Variants in ALK observed in about 807,000 individuals in gnomAD.
ALK encodes ALK receptor tyrosine kinase.
In ALK, 74 loss-of-function variants were observed where a neutral mutation model predicts 163.1. The observed-to-expected ratio is 0.45, with a 90% confidence interval of 0.38 to 0.55. ALK has a LOEUF of 0.55. Among genes scored for constraint, ALK ranks in the 20% least tolerant of loss-of-function variants. The pLI, the probability that ALK is intolerant of heterozygous loss-of-function variation, is 0.00. For missense variants in ALK, 2,063 were observed against 2,105.3 expected (o/e 0.98, Z 0.39); for synonymous variants, 960 against 843.2 (o/e 1.14, Z -2.40).
At chr2:29,886,438 T>C (rs966312087) in intron 1 of ALK, among the ~76,000 whole-genome samples, 1 of 152,252 alleles carries the variant, frequency 6.6e-6, no homozygotes, top group Non-Finnish European at 1.5e-5. Context: ...CCTGGCCCTA[T>C]ACCTATCTAT....
intron 1 of ALK, among the ~76,000 whole-genome samples, chr2:29,885,292 G>T (rs1666958223): frequency 6.6e-6 from 1 of 152,058 alleles, no homozygotes; most frequent in African/African-American, 2.4e-5. Context: ...CTAGATCAGG[G>T]GGTCACAAGG....
At chr2:29,196,966 G>C (rs955310322) in intron 27 of ALK, 106 bp from the exon 28 acceptor site, 1 of 895,670 alleles carries the variant, frequency 1.1e-6, no homozygotes, top group Non-Finnish European at 1.8e-6. Context: ...GTGCGAACTC[G>C]TCTAGGCCCC....
intron 3 of ALK, among the ~76,000 whole-genome samples, chr2:29,666,576 A>T (rs1677520104): frequency 6.6e-6 from 1 of 152,070 alleles, no homozygotes; most frequent in South Asian, 2.1e-4. Context: ...TGACCTTATG[A>T]TCCAGAAGAA....
At chr2:29,616,806 T>C (rs558738733) in intron 3 of ALK, among the ~76,000 whole-genome samples, 2 of 152,292 alleles carry the variant, frequency 1.3e-5, no homozygotes, top group South Asian at 2.1e-4. Flanking sequence ...CAGCAGCTCA[T>C]AGAAACTGTA....
chr2:29,845,609 T>C (rs572674718), intron 1 of ALK, among the ~76,000 whole-genome samples: 5 of 152,232 alleles, frequency 3.3e-5, no homozygotes, highest in Non-Finnish European at 2.9e-5. Flanking sequence ...CAATTTTGTA[T>C]TTTTAGTAGA....
At chr2:29,671,399 T>A (rs1316733031) in intron 3 of ALK, among the ~76,000 whole-genome samples, 2 of 152,090 alleles carry the variant, frequency 1.3e-5, no homozygotes, top group African/African-American at 4.8e-5. Context: ...CTCCTTTGGC[T>A]GAGTTACAGA....
At chr2:29,355,017 C>T (rs373815759) in intron 5 of ALK, among the ~76,000 whole-genome samples, 3 of 152,120 alleles carry the variant, frequency 2.0e-5, no homozygotes, top group African/African-American at 7.2e-5. Flanking sequence ...CCACCTGTCT[C>T]GGCCTCCCAA....
chr2:29,434,985 C>T (rs1670363801), intron 4 of ALK, among the ~76,000 whole-genome samples: 1 of 152,108 alleles, frequency 6.6e-6, no homozygotes, highest in African/African-American at 2.4e-5. Context: ...CTGATTTGCC[C>T]AAGGTTACAC....
At chr2:29,791,136 C>T (rs1664175512) in intron 1 of ALK, among the ~76,000 whole-genome samples, 2 of 152,150 alleles carry the variant, frequency 1.3e-5, no homozygotes, top group Admixed American at 1.3e-4. Flanking sequence ...ATCTCTGTAC[C>T]ATATGTAATT....
intron 4 of ALK, among the ~76,000 whole-genome samples, chr2:29,387,555 C>A (rs553969183): frequency 6.6e-6 from 1 of 152,170 alleles, no homozygotes; most frequent in East Asian, 1.9e-4. Context: ...CAAGTCCCTG[C>A]ACCTCTTTGG....
rs544531289 is a variant in ALK, at chr2:29,217,254, GTGTGTGGTGTGTTTTT to G, written c.3646-3189_3646-3174del. 7.5e-3 allele frequency among the ~76,000 whole-genome samples: 1,140 copies of G among 151,134 alleles called. 18 individuals are homozygous for G. The highest frequency in any genetic ancestry group is 0.026 in the African/African-American group (1,074 of 41,106). ...TTTATGTCTGTAGTGTGTGATGTAC[GTGTGTGGTGTGTTTTT>G]TGTGTGGTGCATGTCTGTGGTGTGT... On this transcript the variant is annotated intron_variant, in intron 23 of 28. Coordinates refer to ENST00000389048, the MANE Select transcript of ALK (RefSeq NM_004304.5).
intron 4 of ALK, among the ~76,000 whole-genome samples, chr2:29,503,456 G>A (rs1672237404): frequency 6.6e-6 from 1 of 152,208 alleles, no homozygotes; most frequent in African/African-American, 2.4e-5. Flanking sequence ...TCTTTCATCA[G>A]GGAAATTAGA....
rs545313143 is a variant in ALK, at chr2:29,698,892, A to C, written c.788-3878T>G. On this transcript the variant is annotated intron_variant, in intron 2 of 28. Transcript: ENST00000389048. ...CTACTCATTTGGTTGAAACTGAATTAGGCTTTTCTACATTCTGATTTAATT... is the reference window on the plus strand; with the variant it reads ...CTACTCATTTGGTTGAAACTGAATTCGGCTTTTCTACATTCTGATTTAATT... 3.3e-4 allele frequency among the ~76,000 whole-genome samples: 51 copies of C among 152,366 alleles called. No homozygotes were observed. In the South Asian group the frequency reaches 0.01, roughly 31 times the overall value.
chr2:29,359,684 G>A (rs1228647679), intron 5 of ALK, among the ~76,000 whole-genome samples: 2 of 152,190 alleles, frequency 1.3e-5, no homozygotes, highest in Non-Finnish European at 2.9e-5. Context: ...GGCTCCCAAA[G>A]CCTTTGAATG....
intron 1 of ALK, among the ~76,000 whole-genome samples, chr2:29,816,220 G>T (rs996085276): frequency 1.3e-4 from 20 of 152,160 alleles, no homozygotes; most frequent in African/African-American, 4.8e-4. Flanking sequence ...ATTCATTCAG[G>T]CAAGCAGGAA....
At chr2:29,892,104 G>A (rs1040408806) in intron 1 of ALK, among the ~76,000 whole-genome samples, 1 of 152,142 alleles carries the variant, frequency 6.6e-6, no homozygotes, top group Non-Finnish European at 1.5e-5. Context: ...GAAGGATGTG[G>A]TTTCCTGTCC....
chr2:29,315,847 T>G (rs1196933479), intron 8 of ALK, among the ~76,000 whole-genome samples: 1 of 152,196 alleles, frequency 6.6e-6, no homozygotes, highest in Non-Finnish European at 1.5e-5. Flanking sequence ...GAGCTGGGTT[T>G]GAAGAAGGTC....
chr2:29,553,828 T>C (rs374755124), intron 3 of ALK, among the ~76,000 whole-genome samples: 1 of 152,240 alleles, frequency 6.6e-6, no homozygotes, highest in South Asian at 2.1e-4. Context: ...TTTCCCCATA[T>C]GTTCTTTAAT....
chr2:29,683,796 G>A (rs1013730965), intron 3 of ALK, among the ~76,000 whole-genome samples: 3 of 152,186 alleles, frequency 2.0e-5, no homozygotes, highest in Admixed American at 2.0e-4. Flanking sequence ...AGACAGAGCA[G>A]CACCACTTGC....
Sources: allele counts gnomAD v4.1 joint callset (sites outside exome capture counted in the v4.1 genomes callset), GRCh38; gene constraint gnomAD v4.1.1; transcripts MANE v1.5; gene names NCBI Gene and HGNC (gene_info 2026-07-23, HGNC 2026-07-21).